TNRC6A: variants seen among roughly 807,000 people sequenced by gnomAD.
TNRC6A encodes the protein trinucleotide repeat containing adaptor 6A.
TNRC6A carries 44 observed loss-of-function variants against 221.2 expected under a neutral mutation model. The ratio of observed to expected loss-of-function variants is 0.20; its 90% CI spans 0.16 to 0.26. The LOEUF (loss-of-function observed/expected upper bound fraction) is 0.26. TNRC6A is among the 10% of genes least tolerant of loss of function. The probability of loss-of-function intolerance (pLI) is 1.00; values close to 1 mark genes in which losing one functional copy is unlikely to be tolerated. For missense variants in TNRC6A, 2,199 were observed against 2,404.4 expected (o/e 0.91, Z 1.79); for synonymous variants, 847 against 838.5 (o/e 1.01, Z -0.18).
At chr16:24,678,031 T>C (rs1051334596) in intron 2 of TNRC6A, among the ~76,000 whole-genome samples, 5 of 152,018 alleles carry the variant, frequency 3.3e-5, no homozygotes, top group Admixed American at 3.3e-4. Context: ...AATATGGGGC[T>C]GAGCGCAGTG....
rs1421418084 is a variant in TNRC6A, at chr16:24,815,226, C to T, written c.4752C>T (p.Ala1584=). ...YDFMNSSTSP[A]SPPGSIGDGW... is the part of the protein sequence containing the mutation. ...TTATGAACAGCAGTACTTCACCAGC[C>T]AGTCCTCCAGGTTCAATAGGAGATG... The change falls in exon 19 of 25, where the codon GCC becomes GCT. Residue 1584 remains alanine, a synonymous_variant. Transcript: ENST00000395799. The T allele has an allele frequency of 1.9e-6, 3 of 1,614,230 alleles. No individual in the cohort carries two copies. Among genetic ancestry groups the T allele is most frequent in the Admixed American group, 1.7e-5 (1 of 60,032 alleles).
intron 2 of TNRC6A, among the ~76,000 whole-genome samples, chr16:24,696,525 G>A (rs571561003): frequency 2.6e-5 from 4 of 151,390 alleles, no homozygotes; most frequent in East Asian, 1.9e-4. Context: ...AAGGCCAGGA[G>A]TTTGAGACCA....
intron 2 of TNRC6A, among the ~76,000 whole-genome samples, chr16:24,735,590 T>C (rs941559119): frequency 2.6e-5 from 4 of 152,198 alleles, no homozygotes; most frequent in Non-Finnish European, 4.4e-5. Context: ...GATAAATTAA[T>C]CACAATCTGT....
upstream of TNRC6A, among the ~76,000 whole-genome samples, chr16:24,726,892 T>G (rs891560851): frequency 6.6e-6 from 1 of 152,176 alleles, no homozygotes; most frequent in Non-Finnish European, 1.5e-5. Flanking sequence ...TTCTTCGATG[T>G]ATGCACCAAG....
intron 20 of TNRC6A, among the ~76,000 whole-genome samples, chr16:24,817,981 G>A (rs1404313577): frequency 1.3e-5 from 2 of 152,212 alleles, no homozygotes; most frequent in Non-Finnish European, 2.9e-5. Flanking sequence ...TTTAAGATGG[G>A]GTAATCTGGC....
rs544435034 is a variant in TNRC6A, at chr16:24,672,442, T to C, written n.402+31433T>C. 4.6e-5 allele frequency among the ~76,000 whole-genome samples: 7 copies of C among 151,364 alleles called. No homozygotes were observed. The South Asian group carries it at 1.5e-3, about 32-fold the overall frequency. On this transcript the variant is annotated intron_variant and non_coding_transcript_variant, in intron 2 of 2. Coordinates refer to the TNRC6A transcript ENST00000566108. ...CGCGCCTGGCCCTTTGTTTATTTTT[T>C]ACTTGTTTATTTTTTTTGAGACAGG...
At chr16:24,736,379 A>G (rs1383651330) in intron 2 of TNRC6A, among the ~76,000 whole-genome samples, 2 of 152,190 alleles carry the variant, frequency 1.3e-5, no homozygotes, top group Non-Finnish European at 2.9e-5. Flanking sequence ...AGGAAGTTTA[A>G]CTTTACAATT....
chr16:24,797,873 A>T, intron 10 of TNRC6A, 42 bp from the exon 11 acceptor site: 1 of 1,531,570 alleles, frequency 6.5e-7, no homozygotes, highest in Non-Finnish European at 8.9e-7. Context: ...GTTTTCATTG[A>T]TAAATTAAGG....
chr16:24,745,804 C>G lies in TNRC6A; in HGVS notation c.54-4922C>G, dbSNP rs868812349. On this transcript the variant is annotated intron_variant, in intron 2 of 24. Coordinates refer to ENST00000395799, the MANE Select transcript of TNRC6A (RefSeq NM_014494.4). ...CTACAGGTATGTACCATCCCCCCCC[C>G]CCCCAGCTAATTGTTAGGATATTTT... Among the ~76,000 whole-genome samples the G allele has an allele frequency of 3.0e-3, 443 of 148,834 alleles. 6 individuals are homozygous for G. The highest frequency in any genetic ancestry group is 0.01 in the African/African-American group (421 of 40,230).
At chr16:24,801,456 C>G (rs1263866258) in intron 11 of TNRC6A, among the ~76,000 whole-genome samples, 1 of 151,764 alleles carries the variant, frequency 6.6e-6, no homozygotes, top group Non-Finnish European at 1.5e-5. Flanking sequence ...GGGGAGATTG[C>G]CACATTTGAG....
intron 2 of TNRC6A, among the ~76,000 whole-genome samples, chr16:24,643,990 A>G (rs919525836): frequency 1.3e-5 from 2 of 151,984 alleles, no homozygotes; most frequent in African/African-American, 4.8e-5. Flanking sequence ...ATCACAGTAC[A>G]TAATTCTCCC....
intron 2 of TNRC6A, among the ~76,000 whole-genome samples, chr16:24,647,957 G>T (rs1339210999): frequency 2.0e-5 from 3 of 152,126 alleles, no homozygotes; most frequent in Non-Finnish European, 4.4e-5. Flanking sequence ...ATTCATATGT[G>T]TAGAACCATA....
chr16:24,764,097 A>G (rs777223624), intron 4 of TNRC6A, among the ~76,000 whole-genome samples: 2 of 151,720 alleles, frequency 1.3e-5, no homozygotes, highest in African/African-American at 2.4e-5. Context: ...TTTGACCTAT[A>G]TCTACCCTCC....
chr16:24,755,514 C>G (rs1392896541), intron 3 of TNRC6A, among the ~76,000 whole-genome samples: 1 of 152,238 alleles, frequency 6.6e-6, no homozygotes, highest in Non-Finnish European at 1.5e-5. Context: ...CCTTACAACT[C>G]TGAGGTGGGT....
intron 2 of TNRC6A, chr16:24,661,750 A>AATGGT (rs1567334218): frequency 6.6e-6 from 1 of 152,190 alleles, no homozygotes; most frequent in Non-Finnish European, 1.5e-5. Context: ...TCTGTAGTGT[A>AATGGT]AATGTGTCAC....
chr16:24,772,078 T>G (rs1188722698), intron 4 of TNRC6A, among the ~76,000 whole-genome samples: 1 of 152,236 alleles, frequency 6.6e-6, no homozygotes, highest in African/African-American at 2.4e-5. Flanking sequence ...AGAAAGAACT[T>G]GCCAACCCCT....
At chr16:24,696,756 G>GAAAAAAAAAT in intron 2 of TNRC6A, among the ~76,000 whole-genome samples, 1 of 75,574 alleles carries the variant, frequency 1.3e-5, no homozygotes, top group African/African-American at 5.0e-5. Context: ...GAAAGGAAAG[G>GAAAAAAAAAT]AAAGGAAGGG....
At chr16:24,779,161 T>TA in intron 5 of TNRC6A, among the ~76,000 whole-genome samples, 1 of 152,112 alleles carries the variant, frequency 6.6e-6, no homozygotes, top group East Asian at 1.9e-4. Flanking sequence ...GGTGTGGGCA[T>TA]AGGAAGAAGC....
chr16:24,799,538 AGTTT>A lies in TNRC6A; in HGVS notation c.3694+1576_3694+1579del, dbSNP rs1318562674. 2.0e-5 allele frequency among the ~76,000 whole-genome samples: 3 copies of A among 152,236 alleles called. No homozygotes were observed. The East Asian group carries it at 5.8e-4, about 29-fold the overall frequency. On this transcript the variant is annotated intron_variant, in intron 11 of 24. Coordinates refer to ENST00000395799, the MANE Select transcript of TNRC6A (RefSeq NM_014494.4). Reference sequence around the variant, plus strand: ...ATAATCACCCCAGAAATTCAGTCACAGTTTGTTACCTAAAGACTGAATTATAAAA... The same window carrying A: ...ATAATCACCCCAGAAATTCAGTCACAGTTACCTAAAGACTGAATTATAAAA...
Sources: gnomAD v4.1 joint callset for allele counts (sites outside exome capture counted in the v4.1 genomes callset) on GRCh38, gnomAD v4.1.1 for gene constraint, MANE v1.5 for transcripts, NCBI Gene and HGNC (gene_info 2026-07-23, HGNC 2026-07-21) for gene names.